Variants in SLC66A2 observed in about 807,000 individuals in gnomAD.
The protein encoded by SLC66A2 is solute carrier family 66 member 2, also known as PQ loop repeat containing 1.
Under a neutral mutation model 25.5 loss-of-function variants are expected in SLC66A2, and 23 were observed. That is an observed-to-expected ratio of 0.90 (90% CI 0.65 to 1.28). The LOEUF (loss-of-function observed/expected upper bound fraction) is 1.28, where lower values mean the gene tolerates loss of function less well. Ranked by LOEUF, SLC66A2 falls within the 50% of genes most tolerant of loss-of-function variation. The pLI is 0.00. For synonymous variants in SLC66A2, 193 were observed against 166.5 expected, an observed-to-expected ratio of 1.16 and a Z score of -1.23; for missense variants, 396 against 373.1, an observed-to-expected ratio of 1.06 and a Z score of -0.51.
At chr18:79,930,614 T>C (rs916638630) in intron 4 of SLC66A2, among the ~76,000 whole-genome samples, 6 of 152,204 alleles carry the variant, frequency 3.9e-5, no homozygotes, top group Non-Finnish European at 7.3e-5. Context: ...CATGAAACAA[T>C]ATGCATTGTA....
intron 2 of SLC66A2, 69 bp from the exon 3 acceptor site, chr18:79,943,531 C>A: frequency 6.4e-7 from 1 of 1,563,682 alleles, no homozygotes; most frequent in South Asian, 1.2e-5. Context: ...GAACCTGCAG[C>A]GGGAGAGACC....
chr18:79,950,621 C>G (rs991657877), intron 2 of SLC66A2, 103 bp downstream of exon 2: 40 of 1,110,886 alleles, frequency 3.6e-5, no homozygotes, highest in Non-Finnish European at 3.1e-5. Flanking sequence ...GCTGGCCCAG[C>G]AGGGAGGTGT....
chr18:79,909,768 A>C (rs1304310264), intron 5 of SLC66A2, among the ~76,000 whole-genome samples: 2 of 82,968 alleles, frequency 2.4e-5, no homozygotes, highest in Non-Finnish European at 2.3e-5. Flanking sequence ...CCTTCCCCAC[A>C]TCCTCACCAT....
intron 5 of SLC66A2, among the ~76,000 whole-genome samples, chr18:79,912,378 A>C (rs1450621183): frequency 1.3e-5 from 2 of 152,200 alleles, no homozygotes; most frequent in African/African-American, 4.8e-5. Flanking sequence ...AAACGTGGCA[A>C]ATCTATGGAA....
rs368845612 is a variant in SLC66A2, at chr18:79,908,588, C to G, written c.609-4405G>C. Among the ~76,000 whole-genome samples the G allele has an allele frequency of 5.9e-5, 9 of 152,124 alleles. No homozygotes were observed. In the East Asian group the frequency reaches 1.7e-3, roughly 29 times the overall value. ...TTTTGGGTGTTTTCAGCCCTTATTT[C>G]TTCAGCTATTTTTCCTCTGTGTCAC... On this transcript the variant is annotated intron_variant, in intron 5 of 5. Coordinates refer to ENST00000397778, the MANE Select transcript of SLC66A2 (RefSeq NM_025078.5).
At chr18:79,912,872 T>G (rs1193186559) in intron 5 of SLC66A2, among the ~76,000 whole-genome samples, 1 of 152,036 alleles carries the variant, frequency 6.6e-6, no homozygotes, top group African/African-American at 2.4e-5. Context: ...CAGCACTCAC[T>G]CCACTCAGAA....
In SLC66A2 at chr18:79,927,413, G is replaced by C. The variant is rs1345462211; in HGVS notation, c.391+6556C>G. Reference sequence around the variant, plus strand: ...GACAAGAGGCCCCCGAGGCCACCAGGGCCGACTTTTACTTTATCCTAAGGA... The same window carrying C: ...GACAAGAGGCCCCCGAGGCCACCAGCGCCGACTTTTACTTTATCCTAAGGA... On this transcript the variant is annotated intron_variant, in intron 4 of 5. Coordinates refer to ENST00000397778, the MANE Select transcript of SLC66A2 (RefSeq NM_025078.5). The surrounding 1 kb of genome is among the most constrained non-coding windows in gnomAD (Gnocchi z 6.2). 6.6e-6 allele frequency among the ~76,000 whole-genome samples: 1 copy of C among 152,182 alleles called. No individual in the cohort carries two copies. Among genetic ancestry groups the C allele is most frequent in the African/African-American group, 2.4e-5 (1 of 41,448 alleles).
intron 4 of SLC66A2, among the ~76,000 whole-genome samples, chr18:79,930,818 T>C (rs12961784): frequency 0.023 from 3,567 of 152,290 alleles, 57 homozygotes; most frequent in African/African-American, 0.039. Context: ...ATGTTTGTTC[T>C]CCTTTCTTTT....
rs1320186362 is a variant in SLC66A2, at chr18:79,943,367, A to G, written c.299T>C (p.Val100Ala). The G allele has an allele frequency of 3.1e-6, 5 of 1,614,144 alleles. No individual in the cohort carries two copies. In the Admixed American group the frequency reaches 6.7e-5, roughly 22 times the overall value. ...GCGCCTGGCGTTGAGCTCGTTGGCC[A>G]CACGGACCTCGGTGCACAGCTTCAG... ...LMLKLCTEVRVANELNARRRS... is the reference protein window; with the variant it reads ...LMLKLCTEVRAANELNARRRS... Residue 100 changes from valine (V) to alanine (A), a missense_variant, in exon 3 of 6, where the codon GTG (valine) becomes GCG (alanine). Transcript: ENST00000397778.
At chr18:79,912,136 G>GAGCAGGGAGGGGACGGC (rs1264272840) in intron 5 of SLC66A2, among the ~76,000 whole-genome samples, 2 of 142,604 alleles carry the variant, frequency 1.4e-5, no homozygotes, top group South Asian at 2.4e-4. Flanking sequence ...GAGGGAGTGG[G>GAGCAGGGAGGGGACGGC]AGCAGGGAGG....
In SLC66A2 at chr18:79,937,264, G is replaced by A. The variant is rs574734210; in HGVS notation, c.338-3242C>T. Among the ~76,000 whole-genome samples the A allele has an allele frequency of 2.0e-4, 31 of 152,162 alleles. No individual in the cohort carries two copies. The highest frequency in any genetic ancestry group is 9.2e-4 in the Admixed American group (14 of 15,276). The stretch of plus-strand genomic sequence containing the variant: ...GGGGCAGGAGATGTAGCCGCCACAC[G>A]AGCACCCTGTTATACCAGGATCCTG... On this transcript the variant is annotated intron_variant, in intron 3 of 5. Transcript: ENST00000397778. This position sits in a 1 kb window ranked among gnomAD's most constrained non-coding sequence, Gnocchi z 5.4.
chr18:79,918,106 G>A lies in SLC66A2; in HGVS notation c.608+1078C>T, dbSNP rs551227869. ...AAGCCCTCCTACCTTTACCTCTCAC[G>A]GGCAACTGAACCTACACACAACCCC... is the stretch of plus-strand genomic sequence containing the variant. On this transcript the variant is annotated intron_variant, in intron 5 of 5. Coordinates refer to ENST00000397778, the MANE Select transcript of SLC66A2 (RefSeq NM_025078.5). This position sits in a 1 kb window ranked among gnomAD's most constrained non-coding sequence, Gnocchi z 4.0. Among the ~76,000 whole-genome samples the A allele has an allele frequency of 3.9e-5, 6 of 151,964 alleles. No individual in the cohort carries two copies. In the East Asian group the frequency reaches 5.8e-4, roughly 15 times the overall value.
intron 2 of SLC66A2, among the ~76,000 whole-genome samples, chr18:79,948,488 T>C (rs1568343154): frequency 9.2e-5 from 14 of 152,156 alleles, no homozygotes. Context: ...CTACAGGTAA[T>C]GCCCCCACAC....
At chr18:79,908,786 G>A (rs531275026) in intron 5 of SLC66A2, among the ~76,000 whole-genome samples, 12 of 152,254 alleles carry the variant, frequency 7.9e-5, no homozygotes, top group African/African-American at 2.9e-4. Context: ...CTACAGTTGT[G>A]TCGTGAAATA....
rs1383792561 is a variant in SLC66A2 at position 79,941,317 on chromosome 18, C to G, written c.337+2012G>C. Among the ~76,000 whole-genome samples the G allele has an allele frequency of 6.6e-6, 1 of 152,148 alleles. No individual in the cohort carries two copies. Among genetic ancestry groups the G allele is most frequent in the Non-Finnish European group, 1.5e-5 (1 of 68,026 alleles). ...GCGGCCCTTGTTCACGTCTGAGGACCCCTGAGATTAGGTTACACCACAGGA... is the reference window on the plus strand; with the variant it reads ...GCGGCCCTTGTTCACGTCTGAGGACGCCTGAGATTAGGTTACACCACAGGA... On this transcript the variant is annotated intron_variant, in intron 3 of 5. Coordinates refer to ENST00000397778, the MANE Select transcript of SLC66A2 (RefSeq NM_025078.5). This position sits in a 1 kb window ranked among gnomAD's most constrained non-coding sequence, Gnocchi z 4.1.
intron 5 of SLC66A2, among the ~76,000 whole-genome samples, chr18:79,914,813 C>T (rs781503268): frequency 2.0e-5 from 3 of 152,216 alleles, no homozygotes; most frequent in Non-Finnish European, 4.4e-5. Context: ...CTCAGCCCTG[C>T]CCAGAGGGAG....
chr18:79,933,437 G>A (rs993177679), intron 4 of SLC66A2, among the ~76,000 whole-genome samples: 3 of 152,126 alleles, frequency 2.0e-5, no homozygotes, highest in African/African-American at 7.2e-5. Flanking sequence ...AGAAATAAAA[G>A]CAACTACATT....
chr18:79,935,976 T>G (rs575538437), intron 3 of SLC66A2, among the ~76,000 whole-genome samples: 1 of 152,190 alleles, frequency 6.6e-6, no homozygotes, highest in Non-Finnish European at 1.5e-5. Flanking sequence ...AGATTTGGGG[T>G]AACTTGTGGA....
intron 3 of SLC66A2, among the ~76,000 whole-genome samples, chr18:79,938,635 T>C (rs1424778229): frequency 6.6e-6 from 1 of 152,158 alleles, no homozygotes; most frequent in East Asian, 1.9e-4. Flanking sequence ...AGGTTCAAAG[T>C]AGTCACCTCT....
Sources: gnomAD v4.1 joint callset for allele counts (sites outside exome capture counted in the v4.1 genomes callset) on GRCh38, gnomAD v4.1.1 for gene constraint, Gnocchi (gnomAD v3.1) non-coding constraint, MANE v1.5 for transcripts, NCBI Gene and HGNC (gene_info 2026-07-23, HGNC 2026-07-21) for gene names.